The following TTYH1 variants were observed in gnomAD, a reference collection of about 807,000 sequenced individuals.
TTYH1 encodes protein tweety homolog 1.
In TTYH1, 33 loss-of-function variants were observed where a neutral mutation model predicts 61.2. The observed-to-expected ratio is 0.54, with a 90% CI of 0.41 to 0.72. TTYH1 has a LOEUF of 0.72. TTYH1 is among the 30% of genes least tolerant of loss of function. The pLI is 0.00. For synonymous variants in TTYH1, 308 were observed against 266.4 expected, an observed-to-expected ratio of 1.16 and a Z score of -1.52; for missense variants, 538 against 575.8, an observed-to-expected ratio of 0.93 and a Z score of 0.67.
chr19:54,427,707 A>G (rs1250019685), intron 5 of TTYH1, among the ~76,000 whole-genome samples: 2 of 152,088 alleles, frequency 1.3e-5, no homozygotes, highest in African/African-American at 4.8e-5. Context: ...AGGAGCTACC[A>G]TAAGGCTCCA....
rs1167007458 is a variant in TTYH1 at position 54,416,500 on chromosome 19, G to A, written c.126+822G>A. ...ATGAGGAGAAAGGCTTGGCTGAGCT[G>A]GGGACGGGTGGGGGTGCTGGGAGTC... On this transcript the variant is annotated intron_variant, in intron 1 of 13. Transcript: ENST00000376530. This position sits in a 1 kb window ranked among gnomAD's most constrained non-coding sequence, Gnocchi z 7.0. 2.9e-5 allele frequency: 9 copies of A among 305,660 alleles called. No individual in the cohort carries two copies. Among genetic ancestry groups the A allele is most frequent in the Non-Finnish European group, 5.1e-5 (8 of 156,396 alleles). 18.9% of individuals were successfully genotyped at this position (305,660 alleles called of 1,614,324 possible).
intron 9 of TTYH1, 21 bp from the exon 10 acceptor site, chr19:54,431,078 C>T: frequency 6.3e-7 from 1 of 1,594,478 alleles, no homozygotes; most frequent in Admixed American, 1.7e-5. Flanking sequence ...CGTGGGAAAA[C>T]GACCCCTCCT....
chr19:54,429,210 T>C lies in TTYH1; in HGVS notation c.735-97T>C. The C allele has an allele frequency of 9.1e-7, 1 of 1,100,698 alleles. No homozygotes were observed. Among genetic ancestry groups the C allele is most frequent in the Non-Finnish European group, 1.4e-6 (1 of 723,268 alleles). 68.2% of individuals were successfully genotyped at this position (1,100,698 alleles called of 1,614,324 possible). The stretch of plus-strand genomic sequence containing the variant: ...TGATCCTCCAGGCTCCAGAGGTGGG[T>C]GGAGGTGGGGGGCGGCTGTGATGGG... On this transcript the variant is annotated intron_variant, in intron 5 of 13. Transcript: ENST00000376530. This position sits in a 1 kb window ranked among gnomAD's most constrained non-coding sequence, Gnocchi z 5.1.
intron 5 of TTYH1, among the ~76,000 whole-genome samples, chr19:54,427,376 A>C (rs1267641887): frequency 2.2e-5 from 3 of 136,616 alleles, no homozygotes; most frequent in Admixed American, 7.7e-5. Flanking sequence ...GAGGCCGAGG[A>C]GGGCGGATCA....
intron 4 of TTYH1, among the ~76,000 whole-genome samples, chr19:54,425,263 G>A (rs1161682404): frequency 2.6e-5 from 4 of 152,182 alleles, no homozygotes; most frequent in Non-Finnish European, 5.9e-5. Flanking sequence ...AACAGCAGTG[G>A]TGGACGGCGA....
At chr19:54,426,822 C>T in intron 5 of TTYH1, 54 bp downstream of exon 5, 1 of 1,501,560 alleles carries the variant, frequency 6.7e-7, no homozygotes, top group Non-Finnish European at 9.2e-7. Flanking sequence ...TCCTGGCAGG[C>T]AGGACCTCAG....
chr19:54,428,235 G>A (rs7249297), intron 5 of TTYH1, among the ~76,000 whole-genome samples: 3,223 of 151,830 alleles, frequency 0.021, 103 homozygotes, highest in African/African-American at 0.074. Context: ...GATTACAGGC[G>A]TATGCCACCA....
intron 4 of TTYH1, among the ~76,000 whole-genome samples, chr19:54,424,511 A>G (rs1017134639): frequency 6.6e-6 from 1 of 152,200 alleles, no homozygotes; most frequent in African/African-American, 2.4e-5. Context: ...CAAGAGACAG[A>G]CAGGCCTGGG....
intron 9 of TTYH1, 56 bp from the exon 10 acceptor site, chr19:54,431,043 G>A: frequency 1.3e-6 from 2 of 1,531,598 alleles, no homozygotes; most frequent in Admixed American, 1.7e-5. Context: ...GGCGGGGCCA[G>A]GGCGATGGGC....
At position 54,415,593 on chromosome 19, in the gene TTYH1, A is replaced by C. The variant is rs564187383; in HGVS notation, c.41A>C (p.His14Pro). ...PPGYRPSAWV[H>P]LLHQLPRADF... ...GGCTACCGGCCCTCAGCTTGGGTGC[A>C]TCTCCTCCACCAGCTGCCCCGCGCC... The change falls in exon 1 of 14, where the codon CAT (histidine) becomes CCT (proline). Residue 14 changes from histidine to proline, a missense_variant. Coordinates refer to ENST00000376530, the MANE Select transcript of TTYH1 (RefSeq NM_020659.4). The surrounding 1 kb of genome is among the most constrained non-coding windows in gnomAD (Gnocchi z 5.2). 6.5e-7 allele frequency: 1 copy of C among 1,539,858 alleles called. No homozygotes were observed. The highest frequency in any genetic ancestry group is 1.4e-5 in the African/African-American group (1 of 71,700).
intron 5 of TTYH1, among the ~76,000 whole-genome samples, chr19:54,427,037 A>G (rs8113267): frequency 0.34 from 52,277 of 151,530 alleles, 9,639 homozygotes; most frequent in East Asian, 0.55. Flanking sequence ...GGTGGCTCAC[A>G]CCTGTAATCC....
rs1350169285 is a variant in TTYH1, at chr19:54,420,149, C to T, written c.305+843C>T. 6.6e-6 allele frequency among the ~76,000 whole-genome samples: 1 copy of T among 152,172 alleles called. No homozygotes were observed. Among genetic ancestry groups the T allele is most frequent in the Admixed American group, 6.5e-5 (1 of 15,278 alleles). On this transcript the variant is annotated intron_variant, in intron 2 of 13. Coordinates refer to ENST00000376530, the MANE Select transcript of TTYH1 (RefSeq NM_020659.4). This position sits in a 1 kb window ranked among gnomAD's most constrained non-coding sequence, Gnocchi z 4.8. ...GCTTCCAATGTGAACACACCAGCTA[C>T]CAAGAACGAGCTCTGAGCACAGCCC... is the stretch of plus-strand genomic sequence containing the variant.
At position 54,426,766 on chromosome 19, in the gene TTYH1, C is replaced by T. The variant is rs768108584; in HGVS notation, c.732C>T (p.Ile244=). The change falls in exon 5 of 14, where the codon ATC becomes ATT. Residue 244 remains isoleucine (I), a splice_region_variant and synonymous_variant. Coordinates refer to ENST00000376530, the MANE Select transcript of TTYH1 (RefSeq NM_020659.4). ...CGAAGCAGAGCAAGTGGCTGGTGAT[C>T]GTGTAAGTGCAGGCAGTAGGGGGAC... ...GLAKQSKWLV[I]VMTVMSLLVL... 1.4e-5 allele frequency: 23 copies of T among 1,613,254 alleles called. No individual in the cohort carries two copies. The highest frequency in any genetic ancestry group is 1.7e-5 in the Non-Finnish European group (20 of 1,179,848).
chr19:54,417,548 G>A (rs2083113053), intron 1 of TTYH1, among the ~76,000 whole-genome samples: 1 of 151,716 alleles, frequency 6.6e-6, no homozygotes, highest in Non-Finnish European at 1.5e-5. Flanking sequence ...ATATGCACAC[G>A]CACATTGCGC....
Position 54,436,060 on chromosome 19 carries a change from C to T in TTYH1, c.1315-31C>T. 6.2e-7 allele frequency: 1 copy of T among 1,611,162 alleles called. No homozygotes were observed. The highest frequency in any genetic ancestry group is 1.3e-5 in the African/African-American group (1 of 74,962). On this transcript the variant is annotated intron_variant, in intron 12 of 13. Transcript: ENST00000376530. The surrounding 1 kb of genome is among the most constrained non-coding windows in gnomAD (Gnocchi z 4.3). The stretch of plus-strand genomic sequence containing the variant: ...AAGCCAATTCCCACTCCATTCCCTC[C>T]TCTCCCCCGCTACCCCGAATCTCCT...
Position 54,430,925 on chromosome 19 carries a change from C to CTAGA in TTYH1, c.1032+20_1032+21insTAGA. 6.2e-7 allele frequency: 1 copy of CTAGA among 1,609,448 alleles called. No homozygotes were observed. The highest frequency in any genetic ancestry group is 2.2e-5 in the East Asian group (1 of 44,820). On this transcript the variant is annotated intron_variant, in intron 9 of 13. Coordinates refer to ENST00000376530, the MANE Select transcript of TTYH1 (RefSeq NM_020659.4). ...GCGCAGGTCGGTGGGTGGGCGCTCCCCAGACACGCGGACCCCACGGGGAAG... is the reference window on the plus strand; with the variant it reads ...GCGCAGGTCGGTGGGTGGGCGCTCCCTAGACAGACACGCGGACCCCACGGGGAAG...
chr19:54,415,763 T>A lies in TTYH1; in HGVS notation c.126+85T>A. On this transcript the variant is annotated intron_variant, in intron 1 of 13. Transcript: ENST00000376530. This position sits in a 1 kb window ranked among gnomAD's most constrained non-coding sequence, Gnocchi z 5.2. ...AGGGAGAAGGGGGCTGGGTCACAGA[T>A]TTCCTGAGCTCCGCCGGAGGCTGGG... 1 of 1,317,400 alleles carries A rather than the reference T, an allele frequency of 7.6e-7. No individual in the cohort carries two copies. The highest frequency in any genetic ancestry group is 9.9e-7 in the Non-Finnish European group (1 of 1,006,438). The allele number at this position is 1,317,400 out of a possible 1,614,324, so 81.6% of individuals were successfully genotyped here. A position where few individuals can be genotyped will look rare whatever the true frequency, so the allele number is the denominator to read the frequency against.
At chr19:54,435,464 C>T (rs554491085) in intron 10 of TTYH1, 78 bp from the exon 11 acceptor site, 13 of 1,494,176 alleles carry the variant, frequency 8.7e-6, no homozygotes, top group Admixed American at 4.0e-5. Flanking sequence ...GCCGGGAGGA[C>T]GGTCAGACTG....
rs1377472347 is a variant in TTYH1, at chr19:54,416,102, C to T, written c.126+424C>T. ...CCCAGATAAGGTGGGACCCAGGAGACAGCGGACCTGATAACGGTGGCGGGG... is the reference window on the plus strand; with the variant it reads ...CCCAGATAAGGTGGGACCCAGGAGATAGCGGACCTGATAACGGTGGCGGGG... On this transcript the variant is annotated intron_variant, in intron 1 of 13. Transcript: ENST00000376530. The surrounding 1 kb of genome is among the most constrained non-coding windows in gnomAD (Gnocchi z 7.0). 1.5e-6 allele frequency: 2 copies of T among 1,300,912 alleles called. No individual in the cohort carries two copies. Among genetic ancestry groups the T allele is most frequent in the African/African-American group, 3.0e-5 (2 of 65,814 alleles). The allele number at this position is 1,300,912 out of a possible 1,614,324, so 80.6% of individuals were successfully genotyped here.
Sources: allele counts gnomAD v4.1 joint callset (sites outside exome capture counted in the v4.1 genomes callset), GRCh38; gene constraint gnomAD v4.1.1; non-coding constraint Gnocchi (gnomAD v3.1); transcripts MANE v1.5; gene names NCBI Gene and HGNC (gene_info 2026-07-23, HGNC 2026-07-21).